The following TTLL11 variants were observed in gnomAD, a reference collection of about 807,000 sequenced individuals.
The protein encoded by TTLL11 is tubulin tyrosine ligase like 11.
In TTLL11, 42 loss-of-function variants were observed where a neutral mutation model predicts 51.7. That is an observed-to-expected ratio of 0.81 (90% CI 0.64 to 1.05). The LOEUF (loss-of-function observed/expected upper bound fraction) is 1.05. TTLL11 is among the 50% of genes least tolerant of loss of function. TTLL11 has a pLI of 0.00. For synonymous variants in TTLL11, 381 were observed against 383.5 expected, an observed-to-expected ratio of 0.99 and a Z score of 0.08; for missense variants, 799 against 940.4, an observed-to-expected ratio of 0.85 and a Z score of 1.97.
chr9:121,855,787 C>T (rs1177991525), intron 8 of TTLL11, among the ~76,000 whole-genome samples: 1 of 152,124 alleles, frequency 6.6e-6, no homozygotes, highest in Non-Finnish European at 1.5e-5. Context: ...GGGCACTGGG[C>T]GAGATGCTTT....
intron 3 of TTLL11, among the ~76,000 whole-genome samples, chr9:122,018,520 T>G (rs560221607): frequency 1.1e-4 from 16 of 152,320 alleles, no homozygotes; most frequent in Middle Eastern, 3.4e-3. Flanking sequence ...GACATGGCAT[T>G]CATTGCATTT....
intron 6 of TTLL11, among the ~76,000 whole-genome samples, chr9:121,938,394 T>G (rs1841312693): frequency 6.6e-6 from 1 of 150,794 alleles, no homozygotes; most frequent in Non-Finnish European, 1.5e-5. Context: ...GTATAAGGAC[T>G]AAAAAGGGAA....
chr9:121,979,806 G>T (rs967629612), intron 4 of TTLL11, among the ~76,000 whole-genome samples: 1 of 151,998 alleles, frequency 6.6e-6, no homozygotes, highest in African/African-American at 2.4e-5. Flanking sequence ...CCTACAAATT[G>T]CTCTATGGCC....
At chr9:122,090,347 T>TC (rs147951007) in intron 1 of TTLL11, among the ~76,000 whole-genome samples, 1,571 of 152,050 alleles carry the variant, frequency 0.01, 30 homozygotes, top group African/African-American at 0.035. Context: ...CAGGTCCAAA[T>TC]CCCATCGCAT....
chr9:121,874,509 A>G (rs1838490909), intron 6 of TTLL11, among the ~76,000 whole-genome samples: 1 of 152,210 alleles, frequency 6.6e-6, no homozygotes, highest in South Asian at 2.1e-4. Context: ...TTGATTTCTT[A>G]TCTATATTTA....
At chr9:121,974,486 G>A (rs1842651429) in intron 5 of TTLL11, among the ~76,000 whole-genome samples, 2 of 151,894 alleles carry the variant, frequency 1.3e-5, no homozygotes, top group South Asian at 2.1e-4. Context: ...GCATTTTTTG[G>A]GGGAGGGGGA....
At chr9:121,847,202 C>T (rs1295618493) in intron 8 of TTLL11, among the ~76,000 whole-genome samples, 4 of 98,118 alleles carry the variant, frequency 4.1e-5, no homozygotes, top group Non-Finnish European at 5.8e-5. Context: ...TGCGAGACTC[C>T]GTCTCAAAAA....
chr9:121,963,529 C>T (rs1406633243), intron 6 of TTLL11: 1 of 152,226 alleles, frequency 6.6e-6, no homozygotes, highest in Non-Finnish European at 1.5e-5. Flanking sequence ...GCCATTTCCC[C>T]GTAATGGTGA....
intron 6 of TTLL11, among the ~76,000 whole-genome samples, chr9:121,900,601 C>A (rs919121996): frequency 6.6e-6 from 1 of 152,092 alleles, no homozygotes; most frequent in Admixed American, 6.5e-5. Context: ...CTATTATCTC[C>A]TTCTGGAACT....
intron 1 of TTLL11, among the ~76,000 whole-genome samples, chr9:122,090,878 T>A (rs1215889257): frequency 6.6e-6 from 1 of 151,832 alleles, no homozygotes; most frequent in East Asian, 1.9e-4. Flanking sequence ...GTGACAAGAG[T>A]AAGCCATGCA....
At chr9:122,059,841 G>C (rs937182976) in intron 1 of TTLL11, among the ~76,000 whole-genome samples, 1 of 152,114 alleles carries the variant, frequency 6.6e-6, no homozygotes, top group East Asian at 1.9e-4. Flanking sequence ...TGTGCTCACT[G>C]GTTGTTGGTA....
rs148801222 is a variant in TTLL11, at chr9:121,996,819, G to A, written c.694-7049C>T. Among the ~76,000 whole-genome samples, 437 of 152,280 alleles carry A rather than the reference G, an allele frequency of 2.9e-3. 1 individual carries two copies. Among genetic ancestry groups the A allele is most frequent in the African/African-American group, 9.9e-3 (411 of 41,554 alleles). On this transcript the variant is annotated intron_variant, in intron 3 of 8. Transcript: ENST00000321582. Reference sequence around the variant, plus strand: ...GTTTGCTGCTATTATAAATTTTGATGCTCTGCAAAGATATTACTTTATGTA... The same window carrying A: ...GTTTGCTGCTATTATAAATTTTGATACTCTGCAAAGATATTACTTTATGTA...
At chr9:122,000,706 T>C (rs1315855444) in intron 3 of TTLL11, among the ~76,000 whole-genome samples, 1 of 152,156 alleles carries the variant, frequency 6.6e-6, no homozygotes, top group Non-Finnish European at 1.5e-5. Context: ...TAGCATGTCA[T>C]CAAGAACCAT....
chr9:121,985,510 TTTC>T (rs1842919924), intron 4 of TTLL11, among the ~76,000 whole-genome samples: 1 of 139,022 alleles, frequency 7.2e-6, no homozygotes, highest in Non-Finnish European at 1.5e-5. Flanking sequence ...ACCATTTTCT[TTTC>T]TTTTTTTTTT....
chr9:121,873,614 G>GCCTCCTCCT (rs71370698), intron 6 of TTLL11, among the ~76,000 whole-genome samples: 8 of 144,048 alleles, frequency 5.6e-5, no homozygotes, highest in Non-Finnish European at 9.1e-5. Flanking sequence ...GCCCAGTCCC[G>GCCTCCTCCT]CCTCCTCCTC....
chr9:121,969,183 T>C (rs1240790384), intron 6 of TTLL11, among the ~76,000 whole-genome samples: 2 of 152,192 alleles, frequency 1.3e-5, no homozygotes, highest in Admixed American at 6.5e-5. Context: ...CATTGTTTAT[T>C]TGAACATCAT....
intron 1 of TTLL11, among the ~76,000 whole-genome samples, chr9:122,092,174 G>A (rs116883008): frequency 1.3e-5 from 2 of 152,176 alleles, no homozygotes; most frequent in African/African-American, 4.8e-5. Flanking sequence ...TACAGAGAAG[G>A]TAATAGGCTG....
chr9:121,997,534 C>T (rs1026643669), intron 3 of TTLL11, among the ~76,000 whole-genome samples: 4 of 152,138 alleles, frequency 2.6e-5, no homozygotes, highest in Admixed American at 1.3e-4. Context: ...TTACCTCCTC[C>T]GAGTCCACAT....
chr9:121,899,944 C>G (rs1839709375), intron 6 of TTLL11, among the ~76,000 whole-genome samples: 1 of 152,226 alleles, frequency 6.6e-6, no homozygotes, highest in Admixed American at 6.5e-5. Flanking sequence ...TTATTTAACT[C>G]TGTCAATAAC....
Sources: gnomAD v4.1 joint callset for allele counts (sites outside exome capture counted in the v4.1 genomes callset) on GRCh38, gnomAD v4.1.1 for gene constraint, MANE v1.5 for transcripts, NCBI Gene and HGNC (gene_info 2026-07-23, HGNC 2026-07-21) for gene names.